GORASP2: variants seen among roughly 807,000 people sequenced by gnomAD.
The protein encoded by GORASP2 is Golgi reassembly-stacking protein 2.
A neutral mutation model predicts 45.7 loss-of-function variants in GORASP2; 22 were observed. That is an observed-to-expected ratio of 0.48 (90% CI 0.34 to 0.69). The LOEUF is 0.69. GORASP2 is among the 30% of genes least tolerant of loss of function. GORASP2 has a pLI of 0.01. For missense variants in GORASP2, 491 were observed against 562.7 expected (o/e 0.87, Z 1.29); for synonymous variants, 221 against 215.6 (o/e 1.02, Z -0.22).
chr2:170,929,539 C>T (rs1200095880), intron 1 of GORASP2, 136 bp downstream of exon 1: 4 of 753,318 alleles, frequency 5.3e-6, no homozygotes, highest in Middle Eastern at 4.0e-4. Context: ...CGGGCGCTGC[C>T]TTGGTCGAGG....
chr2:170,935,640 T>G (rs1426087897), intron 1 of GORASP2, among the ~76,000 whole-genome samples: 4 of 149,918 alleles, frequency 2.7e-5, no homozygotes. Context: ...TAGCACAGTC[T>G]CCACTCACTG....
Position 170,961,765 on chromosome 2 carries a change from C to CT in GORASP2, c.910+17dup. On this transcript the variant is annotated intron_variant, in intron 8 of 9. Coordinates refer to ENST00000234160, the MANE Select transcript of GORASP2 (RefSeq NM_015530.5). ...ACATTACCAGGTAACCACCAGGGGA[C>CT]TAGAGATGTGGCTGATAATAACAGT... is the stretch of plus-strand genomic sequence containing the variant. 7.8e-7 allele frequency: 1 copy of CT among 1,279,876 alleles called. No individual in the cohort carries two copies. Among genetic ancestry groups the CT allele is most frequent in the Non-Finnish European group, 1.1e-6 (1 of 874,530 alleles). The allele number at this position is 1,279,876 out of a possible 1,614,324, so 79.3% of individuals were successfully genotyped here.
chr2:170,941,098 A>C (rs1704067414), intron 1 of GORASP2, among the ~76,000 whole-genome samples: 1 of 152,142 alleles, frequency 6.6e-6, no homozygotes, highest in Non-Finnish European at 1.5e-5. Flanking sequence ...TGTTTATTGC[A>C]GCCGTTTTTT....
chr2:170,944,332 T>C (rs1292348978), intron 1 of GORASP2, among the ~76,000 whole-genome samples: 1 of 152,198 alleles, frequency 6.6e-6, no homozygotes, highest in Non-Finnish European at 1.5e-5. Flanking sequence ...AGGATTTTTC[T>C]AGGGCACTCT....
At chr2:170,941,493 G>A (rs1272098246) in intron 1 of GORASP2, among the ~76,000 whole-genome samples, 1 of 152,156 alleles carries the variant, frequency 6.6e-6, no homozygotes, top group Non-Finnish European at 1.5e-5. Context: ...CACACTTAAT[G>A]TAACCAGCCT....
intron 1 of GORASP2, among the ~76,000 whole-genome samples, chr2:170,937,009 A>G (rs1703974185): frequency 1.3e-5 from 2 of 152,210 alleles, no homozygotes; most frequent in Middle Eastern, 3.4e-3. Context: ...GGAGTTCAAG[A>G]CCAGTCTGGC....
chr2:170,938,567 A>G (rs1423025419), intron 1 of GORASP2, among the ~76,000 whole-genome samples: 1 of 152,208 alleles, frequency 6.6e-6, no homozygotes, highest in Non-Finnish European at 1.5e-5. Context: ...AAAATGGCTG[A>G]AAGAGTCTAT....
chr2:170,934,943 G>A (rs948682797), intron 1 of GORASP2, among the ~76,000 whole-genome samples: 2 of 152,074 alleles, frequency 1.3e-5, no homozygotes, highest in Non-Finnish European at 2.9e-5. Flanking sequence ...TCACCCTATT[G>A]GTCAAGCTGG....
intron 1 of GORASP2, chr2:170,936,664 GAAGCTT>G: frequency 7.7e-7 from 1 of 1,298,558 alleles, no homozygotes; most frequent in Non-Finnish European, 1.0e-6. Flanking sequence ...CAGAAATAAG[GAAGCTT>G]AAGCCGGGCA....
intron 1 of GORASP2, among the ~76,000 whole-genome samples, chr2:170,942,469 TCAAA>T (rs1704098937): frequency 1.3e-5 from 2 of 152,200 alleles, no homozygotes; most frequent in Admixed American, 1.3e-4. Flanking sequence ...ATTAATTGAA[TCAAA>T]CAATATGTGG....
intron 7 of GORASP2, 142 bp downstream of exon 7, chr2:170,956,701 A>G: frequency 3.1e-6 from 2 of 646,942 alleles, no homozygotes; most frequent in Non-Finnish European, 5.0e-6. Context: ...TGAGCTCAGG[A>G]GTTCTAAACC....
intron 7 of GORASP2, among the ~76,000 whole-genome samples, chr2:170,960,013 G>A (rs1387109383): frequency 6.6e-6 from 1 of 151,780 alleles, no homozygotes; most frequent in African/African-American, 2.4e-5. Context: ...TAGAGACAGG[G>A]TTTCACCATG....
intron 4 of GORASP2, among the ~76,000 whole-genome samples, chr2:170,951,103 C>G (rs1392633689): frequency 6.6e-6 from 1 of 152,050 alleles, no homozygotes; most frequent in Non-Finnish European, 1.5e-5. Flanking sequence ...CTAAGAGTGC[C>G]AACTAGATCT....
At chr2:170,945,603 C>T (rs749762900) in intron 1 of GORASP2, among the ~76,000 whole-genome samples, 1 of 151,706 alleles carries the variant, frequency 6.6e-6, no homozygotes, top group Non-Finnish European at 1.5e-5. Context: ...CCCAAATTTG[C>T]AGGGAAACAT....
rs77658592 is a variant in GORASP2 at position 170,961,679 on chromosome 2, G to A, written c.840G>A (p.Pro280=). 3.2e-3 allele frequency: 5,018 copies of A among 1,578,874 alleles called. 17 individuals are homozygous for A. The highest frequency in any genetic ancestry group is 0.018 in the African/African-American group (1,362 of 74,298). The change falls in exon 8 of 10, where the codon CCG becomes CCA. Residue 280 remains proline (P), a synonymous_variant. Coordinates refer to ENST00000234160, the MANE Select transcript of GORASP2 (RefSeq NM_015530.5). ...TCTTTTTAGGTGTACCAACAGTACCGTTATTGCCACCACAAGTAAACCAGT... is the reference window on the plus strand; with the variant it reads ...TCTTTTTAGGTGTACCAACAGTACCATTATTGCCACCACAAGTAAACCAGT... The part of the protein sequence containing the change: ...SVLSTGVPTV[P]LLPPQVNQSL...
In GORASP2 at chr2:170,959,833, T is replaced by TC. The variant is rs1295575089; in HGVS notation, c.824-1830_824-1829insC. Reference sequence around the variant, plus strand: ...GTATCACCTTTTTCTTTTTTTTTTTTTTTTTTGAGACGGAGTCTTGCTCTG... The same window carrying TC: ...GTATCACCTTTTTCTTTTTTTTTTTTCTTTTTTGAGACGGAGTCTTGCTCTG... On this transcript the variant is annotated intron_variant, in intron 7 of 9. Transcript: ENST00000234160. 2.7e-5 allele frequency among the ~76,000 whole-genome samples: 4 copies of TC among 149,078 alleles called. No homozygotes were observed. In the East Asian group the frequency reaches 5.9e-4, roughly 22 times the overall value.
Position 170,962,829 on chromosome 2 carries a change from T to G in GORASP2, c.911-10T>G. On this transcript the variant is annotated splice_polypyrimidine_tract_variant and intron_variant, in intron 8 of 9. Transcript: ENST00000234160. ...GATTTCTCTTTTTTTCTTTTCTGCC[T>G]TCTCTTCAGGTCTGATGCCTTTACC... 6.3e-7 allele frequency: 1 copy of G among 1,584,920 alleles called. No individual in the cohort carries two copies. Among genetic ancestry groups the G allele is most frequent in the Admixed American group, 1.7e-5 (1 of 59,990 alleles).
chr2:170,945,501 C>A (rs1456675680), intron 1 of GORASP2, among the ~76,000 whole-genome samples: 301 of 125,086 alleles, frequency 2.4e-3, no homozygotes, highest in South Asian at 6.2e-3. Context: ...GACCTTGTCT[C>A]AAAAAAAAAA....
chr2:170,965,819 C>G lies in GORASP2; in HGVS notation c.1048C>G (p.Arg350Gly), dbSNP rs752197618. The G allele has an allele frequency of 1.4e-5, 22 of 1,613,870 alleles. No individual in the cohort carries two copies. The highest frequency in any genetic ancestry group is 1.8e-5 in the Non-Finnish European group (21 of 1,179,980). The change falls in exon 10 of 10, where the codon CGA (arginine) becomes GGA (glycine). Residue 350 changes from arginine (R) to glycine (G), a missense_variant. Arg to Gly is a moderately radical substitution (Grantham distance 125). Coordinates refer to ENST00000234160, the MANE Select transcript of GORASP2 (RefSeq NM_015530.5). ...GCCACCTCTTCCTTCCATGCCTCCC[C>G]GAAACTTACCTGGCATTGCACCTCT... ...GLPPLPSMPP[R>G]NLPGIAPLPL... is the part of the protein sequence containing the mutation.
Sources: gnomAD v4.1 joint callset for allele counts (sites outside exome capture counted in the v4.1 genomes callset) on GRCh38, gnomAD v4.1.1 for gene constraint, MANE v1.5 for transcripts, NCBI Gene and HGNC (gene_info 2026-07-23, HGNC 2026-07-21) for gene names.